ARHGAP15: variants seen among roughly 807,000 people sequenced by gnomAD.
The protein encoded by ARHGAP15 is Rho GTPase activating protein 15.
A neutral mutation model predicts 63.7 loss-of-function variants in ARHGAP15; 51 were observed. The ratio of observed to expected loss-of-function variants is 0.80; its 90% confidence interval spans 0.64 to 1.01. ARHGAP15 has a LOEUF of 1.01. ARHGAP15 is among the 50% of genes least tolerant of loss of function. ARHGAP15 has a pLI of 0.00. For missense variants in ARHGAP15, 560 were observed against 564.6 expected (o/e 0.99, Z 0.08); for synonymous variants, 191 against 193.8 (o/e 0.99, Z 0.12).
chr2:143,693,184 C>T (rs901587074), intron 12 of ARHGAP15, among the ~76,000 whole-genome samples: 2 of 152,056 alleles, frequency 1.3e-5, no homozygotes, highest in African/African-American at 4.8e-5. Context: ...GCAAGAGAGT[C>T]GAAGCAATAT....
At chr2:143,238,298 T>G (rs1473654653) in intron 5 of ARHGAP15, 1 of 152,106 alleles carries the variant, frequency 6.6e-6, no homozygotes, top group Non-Finnish European at 1.5e-5. Context: ...TCTATTCAGC[T>G]GACAAAATTC....
At chr2:143,307,761 G>A (rs1399942866) in intron 6 of ARHGAP15, among the ~76,000 whole-genome samples, 3 of 151,988 alleles carry the variant, frequency 2.0e-5, no homozygotes, top group African/African-American at 7.2e-5. Flanking sequence ...GAACATTAGG[G>A]GGTCTCAATC....
chr2:143,573,258 G>A (rs566539550), intron 11 of ARHGAP15, among the ~76,000 whole-genome samples: 2 of 152,224 alleles, frequency 1.3e-5, no homozygotes, highest in East Asian at 3.9e-4. Context: ...GTTGAAATAA[G>A]GTTTTTAAAG....
At chr2:143,267,274 G>T (rs1053291476) in intron 6 of ARHGAP15, among the ~76,000 whole-genome samples, 3 of 152,114 alleles carry the variant, frequency 2.0e-5, no homozygotes, top group African/African-American at 7.2e-5. Context: ...CTTTGATAAA[G>T]CCATTCCAGA....
At chr2:143,684,771 G>A (rs1574837387) in intron 12 of ARHGAP15, among the ~76,000 whole-genome samples, 1 of 152,182 alleles carries the variant, frequency 6.6e-6, no homozygotes, top group African/African-American at 2.4e-5. Context: ...ATCTCTGAAA[G>A]CAGTAGGGGT....
intron 12 of ARHGAP15, among the ~76,000 whole-genome samples, chr2:143,632,015 TTTA>T (rs1157294395): frequency 2.0e-5 from 3 of 152,090 alleles, no homozygotes; most frequent in South Asian, 4.1e-4. Flanking sequence ...TGTTTTAGCT[TTTA>T]TTATTTTAAA....
intron 12 of ARHGAP15, among the ~76,000 whole-genome samples, chr2:143,659,408 AT>A (rs202202769): frequency 2.0e-5 from 3 of 152,192 alleles, no homozygotes; most frequent in Non-Finnish European, 4.4e-5. Context: ...TATTCATTAA[AT>A]TTTTTTAAAA....
At chr2:143,747,467 AACC>A (rs1436038927) in intron 13 of ARHGAP15, among the ~76,000 whole-genome samples, 3 of 152,192 alleles carry the variant, frequency 2.0e-5, no homozygotes, top group African/African-American at 7.2e-5. Flanking sequence ...AATGACATGT[AACC>A]ACCATTATAG....
rs149688870 is a variant in ARHGAP15, at chr2:143,444,745, A to G, written c.703+7703A>G. Among the ~76,000 whole-genome samples, 715 of 152,292 alleles carry G rather than the reference A, an allele frequency of 4.7e-3. 6 individuals carry two copies. Among genetic ancestry groups the G allele is most frequent in the African/African-American group, 0.016 (685 of 41,576 alleles). On this transcript the variant is annotated intron_variant, in intron 8 of 13. Coordinates refer to ENST00000295095, the MANE Select transcript of ARHGAP15 (RefSeq NM_018460.4). Reference sequence around the variant, plus strand: ...TTTCTTGTAAAATAAGTTTCTTATTACTCATAGTATAGCCCTCACTAAACA... The same window carrying G: ...TTTCTTGTAAAATAAGTTTCTTATTGCTCATAGTATAGCCCTCACTAAACA...
intron 11 of ARHGAP15, among the ~76,000 whole-genome samples, chr2:143,561,065 A>C (rs932127605): frequency 6.6e-6 from 1 of 152,188 alleles, no homozygotes; most frequent in Admixed American, 6.5e-5. Flanking sequence ...CTTTTCTTGC[A>C]TGGGGGGTAC....
chr2:143,690,878 A>C (rs1437314532), intron 12 of ARHGAP15, among the ~76,000 whole-genome samples: 1 of 152,156 alleles, frequency 6.6e-6, no homozygotes, highest in Non-Finnish European at 1.5e-5. Flanking sequence ...AAAGAATTCC[A>C]AAAGCTCTTA....
chr2:143,637,107 C>T (rs1260683441), intron 12 of ARHGAP15, among the ~76,000 whole-genome samples: 1 of 151,996 alleles, frequency 6.6e-6, no homozygotes, highest in Admixed American at 6.6e-5. Context: ...CTTTGTTGCC[C>T]CCCCCAAAGA....
intron 6 of ARHGAP15, among the ~76,000 whole-genome samples, chr2:143,359,049 A>G (rs1218679833): frequency 6.6e-6 from 1 of 152,082 alleles, no homozygotes; most frequent in Non-Finnish European, 1.5e-5. Flanking sequence ...TGATTTAAAC[A>G]TGTACTATCT....
At chr2:143,611,344 A>G (rs1454518923) in intron 11 of ARHGAP15, among the ~76,000 whole-genome samples, 1 of 152,164 alleles carries the variant, frequency 6.6e-6, no homozygotes, top group Non-Finnish European at 1.5e-5. Context: ...TTGCAAAATA[A>G]TTTGTGAGAT....
At chr2:143,681,752 A>G (rs1179005683) in intron 12 of ARHGAP15, among the ~76,000 whole-genome samples, 2 of 152,210 alleles carry the variant, frequency 1.3e-5, no homozygotes, top group African/African-American at 4.8e-5. Flanking sequence ...TTTCACTCTA[A>G]GATTACAGAA....
chr2:143,484,339 G>A (rs1347690703), intron 8 of ARHGAP15, among the ~76,000 whole-genome samples: 8 of 145,830 alleles, frequency 5.5e-5, no homozygotes, highest in South Asian at 2.2e-4. Context: ...GCACTCCAGC[G>A]TGGGCAACAG....
chr2:143,146,367 GAA>G (rs1363725758), intron 1 of ARHGAP15, among the ~76,000 whole-genome samples: 1 of 151,998 alleles, frequency 6.6e-6, no homozygotes, highest in Non-Finnish European at 1.5e-5. Flanking sequence ...AAGTTTGAGT[GAA>G]ATAAGCCCAT....
chr2:143,571,420 T>C (rs973488835), intron 11 of ARHGAP15, among the ~76,000 whole-genome samples: 2 of 152,232 alleles, frequency 1.3e-5, no homozygotes, highest in Non-Finnish European at 2.9e-5. Context: ...ACCCACTTTA[T>C]AGATGAACTA....
chr2:143,217,356 G>T (rs1024844137), intron 4 of ARHGAP15, among the ~76,000 whole-genome samples: 1 of 152,106 alleles, frequency 6.6e-6, no homozygotes, highest in African/African-American at 2.4e-5. Flanking sequence ...GGGGGGTGGA[G>T]AAATCATCCA....
Sources: gnomAD v4.1 joint callset for allele counts (sites outside exome capture counted in the v4.1 genomes callset) on GRCh38, gnomAD v4.1.1 for gene constraint, MANE v1.5 for transcripts, NCBI Gene and HGNC (gene_info 2026-07-23, HGNC 2026-07-21) for gene names.